Variants in UCHL5 observed in about 807,000 individuals in gnomAD.
UCHL5 encodes ubiquitin C-terminal hydrolase L5.
A neutral mutation model predicts 53.8 loss-of-function variants in UCHL5; 34 were observed. That is an observed-to-expected ratio of 0.63 (90% CI 0.48 to 0.84). The LOEUF is 0.84. Ranked by LOEUF, UCHL5 falls within the 40% of genes least tolerant of loss-of-function variation. The probability of loss-of-function intolerance (pLI) is 0.00; values close to 1 mark genes in which losing one functional copy is unlikely to be tolerated. For synonymous variants in UCHL5, 111 were observed against 126.3 expected, an observed-to-expected ratio of 0.88 and a Z score of 0.81; for missense variants, 290 against 385.6, an observed-to-expected ratio of 0.75 and a Z score of 2.08.
chr1:193,037,479 T>C (rs1321671193), intron 3 of UCHL5, among the ~76,000 whole-genome samples: 1 of 151,918 alleles, frequency 6.6e-6, no homozygotes, highest in African/African-American at 2.4e-5. Context: ...AGTAATGAGA[T>C]CAGAGCCATA....
intron 3 of UCHL5, among the ~76,000 whole-genome samples, chr1:193,033,447 A>C (rs957098989): frequency 3.3e-5 from 5 of 152,152 alleles, no homozygotes; most frequent in Non-Finnish European, 7.4e-5. Flanking sequence ...CGATCAGTGC[A>C]GTAAACGACC....
At chr1:193,019,812 A>G in intron 10 of UCHL5, 1 of 923,076 alleles carries the variant, frequency 1.1e-6, no homozygotes, top group African/African-American at 1.8e-5. Context: ...CTGTTCACAG[A>G]TCAATTTTAA....
At chr1:193,035,215 T>G (rs1485024521) in intron 3 of UCHL5, among the ~76,000 whole-genome samples, 1 of 151,968 alleles carries the variant, frequency 6.6e-6, no homozygotes, top group African/African-American at 2.4e-5. Context: ...TAGATGAAAG[T>G]GAACTGCCTG....
In UCHL5 at chr1:193,051,798, T is replaced by C. The variant is rs1337092749; in HGVS notation, c.96A>G (p.Val32=). 2.5e-6 allele frequency: 4 copies of C among 1,598,802 alleles called. No individual in the cohort carries two copies. ...CAGGCTCTAAACTCCATATTTCTTC[T>C]ACTTGGGCTCCTCGGCAACCTGAAA... The part of the protein sequence containing the change: ...IKGFGCRGAQ[V]EEIWSLEPEN... The change falls in exon 2 of 11, where the codon GTA becomes GTG. Residue 32 remains valine, a synonymous_variant. Transcript: ENST00000367454.
chr1:193,019,032 G>A (rs1324098581), intron 10 of UCHL5, among the ~76,000 whole-genome samples: 1 of 151,164 alleles, frequency 6.6e-6, no homozygotes, highest in Non-Finnish European at 1.5e-5. Context: ...ATTTTAATAT[G>A]GTATCTTTTT....
chr1:193,037,890 T>TAAAAAAAAA lies in UCHL5; in HGVS notation c.247-8242_247-8234dup, dbSNP rs71111446. ...ACATGTACCCTAGAACTTAAAGTATTAAAAAAAAAAAAAAAAAAAAGGTCA... is the reference window on the plus strand; with the variant it reads ...ACATGTACCCTAGAACTTAAAGTATTAAAAAAAAAAAAAAAAAAAAAAAAAAAAAGGTCA... On this transcript the variant is annotated intron_variant, in intron 3 of 10. Transcript: ENST00000367454. Among the ~76,000 whole-genome samples, 9 of 118,820 alleles carry TAAAAAAAAA rather than the reference T, an allele frequency of 7.6e-5. 2 individuals carry two copies. The highest frequency in any genetic ancestry group is 2.8e-4 in the South Asian group (1 of 3,542). 78.0% of individuals were successfully genotyped at this position (118,820 alleles called of 152,430 possible).
chr1:193,032,312 C>CT (rs1329679118), intron 3 of UCHL5, among the ~76,000 whole-genome samples: 1 of 152,114 alleles, frequency 6.6e-6, no homozygotes, highest in Non-Finnish European at 1.5e-5. Context: ...ATTGGGAAAA[C>CT]TGGCTAGCCA....
At position 193,014,751 on chromosome 1, in the gene UCHL5, A is replaced by G. The variant is rs1654648316; in HGVS notation, c.*1600T>C. The G allele has an allele frequency of 1.3e-5, 2 of 152,108 alleles. No individual in the cohort carries two copies. The highest frequency in any genetic ancestry group is 4.8e-5 in the African/African-American group (2 of 41,426). The allele number at this position is 152,108 out of a possible 1,614,324, so 9.4% of individuals were successfully genotyped here. On this transcript the variant is annotated 3_prime_UTR_variant, in exon 11 of 11. Coordinates refer to ENST00000367454, the MANE Select transcript of UCHL5 (RefSeq NM_001199261.3). The stretch of plus-strand genomic sequence containing the variant: ...CCACCTTTGTCGAAATCAAGTGATC[A>G]TATAAACGTTGATCTGTTTTCAGGC...
intron 10 of UCHL5, among the ~76,000 whole-genome samples, chr1:193,017,066 T>C (rs555890877): frequency 1.6e-4 from 24 of 151,774 alleles, no homozygotes; most frequent in Non-Finnish European, 3.5e-4. Context: ...AGACATATGC[T>C]TTATAGCATT....
rs1558050482 is a variant in UCHL5, at chr1:193,029,514, TAAG to T, written c.372+15_372+17del. 1.9e-6 allele frequency: 3 copies of T among 1,612,830 alleles called. No homozygotes were observed. The highest frequency in any genetic ancestry group is 4.5e-5 in the East Asian group (2 of 44,834). ...TTTCACAAATATGACATTTTAGGAA[TAAG>T]AAGATTGTACTCACAGCTGCATCAA... On this transcript the variant is annotated intron_variant, in intron 4 of 10. Coordinates refer to ENST00000367454, the MANE Select transcript of UCHL5 (RefSeq NM_001199261.3).
chr1:193,033,334 G>T (rs1395056920), intron 3 of UCHL5, among the ~76,000 whole-genome samples: 1 of 151,946 alleles, frequency 6.6e-6, no homozygotes, highest in Non-Finnish European at 1.5e-5. Flanking sequence ...CAATGAGAAC[G>T]CATGGGCACA....
chr1:193,051,853 T>TG, intron 1 of UCHL5, 36 bp from the exon 2 acceptor site: 1 of 1,462,996 alleles, frequency 6.8e-7, no homozygotes, highest in Non-Finnish European at 9.4e-7. Flanking sequence ...GTAAACAGGA[T>TG]AATTCATTTT....
intron 3 of UCHL5, among the ~76,000 whole-genome samples, chr1:193,039,398 G>C (rs1456799577): frequency 6.6e-6 from 1 of 151,938 alleles, no homozygotes; most frequent in Non-Finnish European, 1.5e-5. Flanking sequence ...GACCTAGTGA[G>C]ACTATGTCTC....
At position 193,023,909 on chromosome 1, in the gene UCHL5, T is replaced by C. The variant is rs1360290648; in HGVS notation, c.667A>G (p.Ile223Val). Reference sequence around the variant, plus strand: ...TATATCATTTTTCTGTCAGACACAATGGCCATTAAATTAAATCGAATTTCA... The same window carrying C: ...TATATCATTTTTCTGTCAGACACAACGGCCATTAAATTAAATCGAATTTCA... The part of the protein sequence containing the change: ...EGEIRFNLMA[I>V]VSDRKMIYEQ... The change falls in exon 8 of 11, where the codon ATT (isoleucine) becomes GTT (valine). Residue 223 changes from isoleucine to valine, a missense_variant. Physicochemically the swap from Ile to Val is conservative, Grantham distance 29. Coordinates refer to ENST00000367454, the MANE Select transcript of UCHL5 (RefSeq NM_001199261.3). 3.1e-6 allele frequency: 5 copies of C among 1,612,610 alleles called. No homozygotes were observed. Among genetic ancestry groups the C allele is most frequent in the Non-Finnish European group, 4.2e-6 (5 of 1,179,600 alleles).
intron 10 of UCHL5, among the ~76,000 whole-genome samples, chr1:193,016,960 A>G (rs1655084171): frequency 6.6e-6 from 1 of 151,812 alleles, no homozygotes; most frequent in African/African-American, 2.4e-5. Context: ...TACTTGTTTT[A>G]TTCTTTAGCA....
chr1:193,019,781 A>T, intron 10 of UCHL5: 1 of 795,488 alleles, frequency 1.3e-6, no homozygotes, highest in Non-Finnish European at 1.5e-6. Flanking sequence ...TTTACTTACT[A>T]ATTTGCACAC....
At chr1:193,040,829 C>T (rs1390145863) in intron 3 of UCHL5, among the ~76,000 whole-genome samples, 2 of 152,010 alleles carry the variant, frequency 1.3e-5, no homozygotes, top group Non-Finnish European at 2.9e-5. Flanking sequence ...AGAATGAAAT[C>T]CTGTTATTTG....
chr1:193,044,628 T>C (rs1666790405), intron 3 of UCHL5, among the ~76,000 whole-genome samples: 1 of 152,116 alleles, frequency 6.6e-6, no homozygotes, highest in South Asian at 2.1e-4. Flanking sequence ...ATTGAGGTAA[T>C]CCCATTATAA....
intron 9 of UCHL5, among the ~76,000 whole-genome samples, chr1:193,021,781 T>G (rs1321395156): frequency 6.6e-6 from 1 of 152,216 alleles, no homozygotes; most frequent in African/African-American, 2.4e-5. Flanking sequence ...ATAAATTCAT[T>G]TAAACTTCAT....
Sources: allele counts gnomAD v4.1 joint callset (sites outside exome capture counted in the v4.1 genomes callset), GRCh38; gene constraint gnomAD v4.1.1; transcripts MANE v1.5; gene names NCBI Gene and HGNC (gene_info 2026-07-23, HGNC 2026-07-21).